MYO1H: variants seen among roughly 807,000 people sequenced by gnomAD.
The protein encoded by MYO1H is unconventional myosin-Ih.
In MYO1H, 118 loss-of-function variants were observed where a neutral mutation model predicts 149.3. The ratio of observed to expected loss-of-function variants is 0.79; its 90% CI spans 0.68 to 0.92. MYO1H has a LOEUF of 0.92. MYO1H is among the 40% of genes least tolerant of loss of function. The probability of loss-of-function intolerance (pLI) is 0.00; values close to 1 mark genes in which losing one functional copy is unlikely to be tolerated. For synonymous variants in MYO1H, 447 were observed against 465.2 expected (o/e 0.96, Z 0.50); for missense variants, 1,212 against 1,280.7 (o/e 0.95, Z 0.82).
At position 109,447,368 on chromosome 12, in the gene MYO1H, A is replaced by G. The variant is rs898039637; in HGVS notation, c.*186A>G. On this transcript the variant is annotated 3_prime_UTR_variant, in exon 32 of 32. Transcript: ENST00000310903. ...CTAATCCCAGCTCCTCAGCTGCCCC[A>G]TGGCACCTTATTTAAAATGTCACCT... is the stretch of plus-strand genomic sequence containing the variant. 4 of 629,150 alleles carry G rather than the reference A, an allele frequency of 6.4e-6. No homozygotes were observed. The African/African-American group carries it at 7.3e-5, about 12-fold the overall frequency. 39.0% of individuals were successfully genotyped at this position (629,150 alleles called of 1,614,324 possible). A position where few individuals can be genotyped will look rare whatever the true frequency, so the allele number is the denominator to read the frequency against.
chr12:109,338,764 T>TAA, the MYO1H span, among the ~76,000 whole-genome samples: 1 of 51,118 alleles, frequency 2.0e-5, no homozygotes, highest in African/African-American at 8.8e-5. Context: ...AGACTCCATC[T>TAA]CAAAAAAAAA....
At chr12:109,389,903 C>A (rs545700895) in intron 2 of MYO1H, among the ~76,000 whole-genome samples, 1 of 152,218 alleles carries the variant, frequency 6.6e-6, no homozygotes, top group African/African-American at 2.4e-5. Flanking sequence ...CAAGGTGTTT[C>A]TTAGAGTACA....
rs539021746 is a variant in MYO1H, at chr12:109,414,959, G to A, written c.1503-567G>A. 6.6e-5 allele frequency among the ~76,000 whole-genome samples: 10 copies of A among 152,120 alleles called. No homozygotes were observed. The South Asian group carries it at 1.0e-3, about 16-fold the overall frequency. ...ACTCCTGGCCTTAAACGATCCTCCTGCCTCAGCCTCCCAAAGTACTAGGAT... is the reference window on the plus strand; with the variant it reads ...ACTCCTGGCCTTAAACGATCCTCCTACCTCAGCCTCCCAAAGTACTAGGAT... On this transcript the variant is annotated intron_variant, in intron 14 of 31. Transcript: ENST00000310903.
intron 15 of MYO1H, among the ~76,000 whole-genome samples, chr12:109,416,762 C>G (rs1028531753): frequency 1.3e-5 from 2 of 152,066 alleles, no homozygotes; most frequent in African/African-American, 4.8e-5. Flanking sequence ...CCAAGGGGAG[C>G]AGATCACCTG....
At chr12:109,407,720 A>G in intron 9 of MYO1H, 74 bp from the exon 10 acceptor site, 2 of 1,481,946 alleles carry the variant, frequency 1.3e-6, no homozygotes, top group South Asian at 1.4e-5. Flanking sequence ...TTTTTTTAAG[A>G]AAAAAGACTT....
the MYO1H span, among the ~76,000 whole-genome samples, chr12:109,330,828 C>G: frequency 6.6e-6 from 1 of 152,002 alleles, no homozygotes; most frequent in Non-Finnish European, 1.5e-5. Flanking sequence ...CCTTTTTTCC[C>G]CCAGCTAACT....
chr12:109,412,105 G>A (rs1434513468), intron 14 of MYO1H, 120 bp downstream of exon 14: 1 of 638,596 alleles, frequency 1.6e-6, no homozygotes, highest in African/African-American at 1.9e-5. Flanking sequence ...ATATCTTTAT[G>A]TATACCACTC....
chr12:109,317,803 T>A, the MYO1H span, among the ~76,000 whole-genome samples: 1 of 152,184 alleles, frequency 6.6e-6, no homozygotes, highest in Admixed American at 6.5e-5. Flanking sequence ...TTGGGCCAAG[T>A]AATTACCCTC....
the MYO1H span, among the ~76,000 whole-genome samples, chr12:109,337,825 C>A: frequency 2.0e-5 from 3 of 152,114 alleles, no homozygotes; most frequent in Non-Finnish European, 4.4e-5. Flanking sequence ...AAGTTTTAAT[C>A]TGAGGGTAGT....
intron 1 of MYO1H, among the ~76,000 whole-genome samples, chr12:109,376,869 C>G (rs1416716485): frequency 6.6e-6 from 1 of 152,186 alleles, no homozygotes; most frequent in Non-Finnish European, 1.5e-5. Flanking sequence ...AGTATTGAAT[C>G]TAAGGACCAG....
chr12:109,365,251 G>A (rs927410940), intron 1 of MYO1H, among the ~76,000 whole-genome samples: 1 of 152,122 alleles, frequency 6.6e-6, no homozygotes, highest in South Asian at 2.1e-4. Flanking sequence ...ACTCCAGCCT[G>A]GGCAACAGAG....
chr12:109,377,686 A>C (rs574505710), intron 1 of MYO1H, among the ~76,000 whole-genome samples: 1 of 152,346 alleles, frequency 6.6e-6, no homozygotes, highest in East Asian at 1.9e-4. Flanking sequence ...CTCCTATAGC[A>C]GTCTTATATA....
intron 1 of MYO1H, among the ~76,000 whole-genome samples, chr12:109,383,292 T>A (rs1869242249): frequency 6.6e-6 from 1 of 152,218 alleles, no homozygotes; most frequent in African/African-American, 2.4e-5. Context: ...GCCCTTACTC[T>A]TCCTCCAGAA....
At chr12:109,372,857 A>G (rs1302243206) in intron 1 of MYO1H, among the ~76,000 whole-genome samples, 1 of 151,580 alleles carries the variant, frequency 6.6e-6, no homozygotes, top group Non-Finnish European at 1.5e-5. Context: ...TAAATTAATA[A>G]CTATATGATA....
At position 109,409,554 on chromosome 12, in the gene MYO1H, C is replaced by T; in HGVS notation, c.1156-3C>T. On this transcript the variant is annotated splice_polypyrimidine_tract_variant and splice_region_variant and intron_variant, in intron 10 of 31. Coordinates refer to ENST00000310903, the Ensembl canonical transcript of MYO1H. ...TATGAATGGGGTGTGTTATTTTGAC[C>T]AGGATTTCACCAGGAAAACTGTAAT... 12 of 1,613,266 alleles carry T rather than the reference C, an allele frequency of 7.4e-6. No homozygotes were observed. Among genetic ancestry groups the T allele is most frequent in the Non-Finnish European group, 1.0e-5 (12 of 1,179,360 alleles).
exon 21 of MYO1H, chr12:109,435,085 T>C: frequency 1.2e-6 from 2 of 1,609,558 alleles, no homozygotes; most frequent in Non-Finnish European, 1.7e-6. Context: ...CTACCGAAGA[T>C]GCCTTTGAAT....
chr12:109,366,697 T>C (rs1396519464), intron 1 of MYO1H, among the ~76,000 whole-genome samples: 1 of 152,182 alleles, frequency 6.6e-6, no homozygotes, highest in African/African-American at 2.4e-5. Context: ...AGTGAACAGA[T>C]GTAGACAGAA....
the MYO1H span, among the ~76,000 whole-genome samples, chr12:109,337,574 A>AT: frequency 6.6e-6 from 1 of 152,192 alleles, no homozygotes; most frequent in Non-Finnish European, 1.5e-5. Context: ...ACTCCGCTTT[A>AT]TAAAACCATC....
chr12:109,389,421 G>C (rs1365607823), intron 2 of MYO1H, among the ~76,000 whole-genome samples: 2 of 152,106 alleles, frequency 1.3e-5, no homozygotes. Context: ...GGTGAGGGGT[G>C]GAGTTGGAGC....
Sources: allele counts gnomAD v4.1 joint callset (sites outside exome capture counted in the v4.1 genomes callset), GRCh38; gene constraint gnomAD v4.1.1; transcripts MANE v1.5; gene names NCBI Gene and HGNC (gene_info 2026-07-23, HGNC 2026-07-21).